Variants in ADAMTS19 observed in about 807,000 individuals in gnomAD.
ADAMTS19 encodes A disintegrin and metalloproteinase with thrombospondin motifs 19.
In ADAMTS19, 93 loss-of-function variants were observed where a neutral mutation model predicts 153.3. That is an observed-to-expected ratio of 0.61 (90% CI 0.51 to 0.72). ADAMTS19 has a LOEUF of 0.72. Among genes scored for constraint, ADAMTS19 ranks in the 30% least tolerant of loss-of-function variants. The pLI is 0.00. For synonymous variants in ADAMTS19, 600 were observed against 556.6 expected (o/e 1.08, Z -1.10); for missense variants, 1,482 against 1,552.1 (o/e 0.95, Z 0.76).
intron 6 of ADAMTS19, among the ~76,000 whole-genome samples, chr5:129,550,054 A>G (rs1753032681): frequency 3.7e-5 from 3 of 80,172 alleles, no homozygotes; most frequent in South Asian, 4.3e-4. Flanking sequence ...ATGTATCTGT[A>G]TATGTATGTA....
chr5:129,466,050 CT>C (rs1561527268), intron 2 of ADAMTS19, among the ~76,000 whole-genome samples: 2 of 152,180 alleles, frequency 1.3e-5, no homozygotes, highest in Admixed American at 1.3e-4. Flanking sequence ...AGCAGGATTT[CT>C]TTTTTCTGTT....
At chr5:129,467,421 A>G (rs1235756552) in intron 2 of ADAMTS19, among the ~76,000 whole-genome samples, 1 of 152,204 alleles carries the variant, frequency 6.6e-6, no homozygotes, top group Non-Finnish European at 1.5e-5. Flanking sequence ...AAACAAATTT[A>G]TCAGAAATAA....
intron 3 of ADAMTS19, among the ~76,000 whole-genome samples, chr5:129,510,997 T>G (rs1485129358): frequency 1.3e-5 from 2 of 151,704 alleles, no homozygotes; most frequent in African/African-American, 4.8e-5. Context: ...TCAGATGCTT[T>G]TTGAGGGCTC....
chr5:129,723,269 C>T (rs959566624), intron 21 of ADAMTS19, among the ~76,000 whole-genome samples: 1 of 152,156 alleles, frequency 6.6e-6, no homozygotes, highest in Non-Finnish European at 1.5e-5. Context: ...CAGGTATTTC[C>T]CTTTCAGCTA....
chr5:129,479,970 T>C (rs1750355505), intron 2 of ADAMTS19, among the ~76,000 whole-genome samples: 1 of 152,186 alleles, frequency 6.6e-6, no homozygotes, highest in African/African-American at 2.4e-5. Flanking sequence ...TGTTTATAGT[T>C]ATGGAATTCC....
At chr5:129,507,558 A>G (rs1751304754) in intron 2 of ADAMTS19, among the ~76,000 whole-genome samples, 1 of 152,028 alleles carries the variant, frequency 6.6e-6, no homozygotes, top group Non-Finnish European at 1.5e-5. Flanking sequence ...TATTAAAATT[A>G]TACAAATATT....
chr5:129,622,286 A>G lies in ADAMTS19; in HGVS notation c.1708A>G (p.Thr570Ala). 6.2e-7 allele frequency: 1 copy of G among 1,614,112 alleles called. No individual in the cohort carries two copies. The highest frequency in any genetic ancestry group is 8.5e-7 in the Non-Finnish European group (1 of 1,179,996). The change falls in exon 10 of 23, where the codon ACT (threonine) becomes GCT (alanine). Residue 570 changes from threonine (T) to alanine (A), a missense_variant. Thr to Ala is a moderately conservative substitution (Grantham distance 58, BLOSUM62 0). Transcript: ENST00000274487. ...VPSKLPGMTY[T>A]ADEQCQILFG... is the part of the protein sequence containing the mutation. ...CTCCAAGCTGCCAGGGATGACATAC[A>G]CTGCTGATGAACAATGCCAGATCCT...
intron 6 of ADAMTS19, among the ~76,000 whole-genome samples, chr5:129,538,695 G>T (rs980617659): frequency 6.6e-6 from 1 of 152,048 alleles, no homozygotes; most frequent in South Asian, 2.1e-4. Flanking sequence ...TGTTATCTAT[G>T]TTGTTGAAGT....
At chr5:129,475,841 A>G (rs1223260669) in intron 2 of ADAMTS19, among the ~76,000 whole-genome samples, 1 of 152,254 alleles carries the variant, frequency 6.6e-6, no homozygotes, top group Non-Finnish European at 1.5e-5. Flanking sequence ...CAAAATAAAA[A>G]TAAATTGTTT....
Position 129,534,346 on chromosome 5 carries a change from C to T in ADAMTS19, c.1328+5669C>T, listed in dbSNP as rs568764622. Among the ~76,000 whole-genome samples the T allele has an allele frequency of 3.2e-4, 48 of 152,164 alleles. 1 individual carries two copies. The South Asian group carries it at 7.3e-3, about 23-fold the overall frequency. On this transcript the variant is annotated intron_variant, in intron 6 of 22. Coordinates refer to ENST00000274487, the MANE Select transcript of ADAMTS19 (RefSeq NM_133638.6). ...TAGAAGAAATGGATAAATTCCTCGA[C>T]GCATACACTCTCCCAAGACTAAACC...
At chr5:129,580,198 A>G (rs1749441643) in intron 7 of ADAMTS19, among the ~76,000 whole-genome samples, 1 of 152,122 alleles carries the variant, frequency 6.6e-6, no homozygotes, top group Admixed American at 6.5e-5. Flanking sequence ...CTTTGTAGCA[A>G]TTGTGAATGG....
chr5:129,552,014 A>T, intron 7 of ADAMTS19, 107 bp downstream of exon 7: 1 of 669,928 alleles, frequency 1.5e-6, no homozygotes, highest in African/African-American at 1.9e-5. Context: ...AATAACTTCA[A>T]AATGTCAGAC....
rs544752976 is a variant in ADAMTS19, at chr5:129,505,767, T to C, written c.748-3310T>C. Among the ~76,000 whole-genome samples the C allele has an allele frequency of 7.7e-4, 118 of 152,258 alleles. 1 individual carries two copies. The highest frequency in any genetic ancestry group is 2.8e-3 in the African/African-American group (115 of 41,578). On this transcript the variant is annotated intron_variant, in intron 2 of 22. Coordinates refer to ENST00000274487, the MANE Select transcript of ADAMTS19 (RefSeq NM_133638.6). ...AATGACAAAAGAACAGATGTCATCA[T>C]ATAAGAAAATGCCTATGAAGATAGA...
intron 21 of ADAMTS19, among the ~76,000 whole-genome samples, chr5:129,711,632 C>T (rs1299054778): frequency 2.6e-5 from 4 of 151,740 alleles, no homozygotes; most frequent in African/African-American, 4.8e-5. Context: ...GTGGAGATCA[C>T]ACCACTGCAC....
intron 16 of ADAMTS19, among the ~76,000 whole-genome samples, chr5:129,677,143 T>G (rs1754585861): frequency 6.6e-6 from 1 of 152,140 alleles, no homozygotes; most frequent in Non-Finnish European, 1.5e-5. Context: ...AATTAAAAAA[T>G]TATAAAGTTC....
chr5:129,694,994 A>C (rs1032435280), intron 19 of ADAMTS19, 139 bp downstream of exon 19: 1 of 1,124,200 alleles, frequency 8.9e-7, no homozygotes, highest in African/African-American at 1.6e-5. Flanking sequence ...AAAGTCTTAA[A>C]TAAGCAAGAT....
At chr5:129,690,308 A>C (rs922660759) in intron 18 of ADAMTS19, among the ~76,000 whole-genome samples, 99 of 152,338 alleles carry the variant, frequency 6.5e-4, no homozygotes, top group African/African-American at 2.3e-3. Flanking sequence ...TTGGAAGTGA[A>C]AATGTTATTA....
chr5:129,517,519 C>T (rs1251234374), intron 3 of ADAMTS19, among the ~76,000 whole-genome samples: 1 of 151,846 alleles, frequency 6.6e-6, no homozygotes, highest in African/African-American at 2.4e-5. Flanking sequence ...GTTGAATGGA[C>T]TCCTTTATCA....
chr5:129,550,691 A>T (rs1173638871), intron 6 of ADAMTS19, among the ~76,000 whole-genome samples: 2 of 148,504 alleles, frequency 1.3e-5, no homozygotes, highest in Non-Finnish European at 1.5e-5. Context: ...AATAGGCAAA[A>T]GTATTGTGCT....
Sources: allele counts gnomAD v4.1 joint callset (sites outside exome capture counted in the v4.1 genomes callset), GRCh38; gene constraint gnomAD v4.1.1; transcripts MANE v1.5; gene names NCBI Gene and HGNC (gene_info 2026-07-23, HGNC 2026-07-21).